The following DRC11 variants were observed in gnomAD, a reference collection of about 807,000 sequenced individuals.
DRC11 encodes the protein dynein regulatory complex subunit 11.
At chr2:236,439,620 G>C in the DRC11 span, among the ~76,000 whole-genome samples, 7 of 151,882 alleles carry the variant, frequency 4.6e-5, no homozygotes, top group Admixed American at 4.6e-4. Context: ...AAATGTATTG[G>C]GTTTCCTAGG....
the DRC11 span, among the ~76,000 whole-genome samples, chr2:236,350,459 C>T: frequency 6.6e-6 from 1 of 152,232 alleles, no homozygotes; most frequent in African/African-American, 2.4e-5. The surrounding 1 kb of genome is among the most constrained non-coding windows in gnomAD (Gnocchi z 5.2). Context: ...ATACAACTGA[C>T]TTCATTTGCA....
the DRC11 span, among the ~76,000 whole-genome samples, chr2:236,479,230 T>C: frequency 6.6e-6 from 1 of 152,230 alleles, no homozygotes; most frequent in South Asian, 2.1e-4. The surrounding 1 kb of genome is among the most constrained non-coding windows in gnomAD (Gnocchi z 4.1). Context: ...CATGTGTGTC[T>C]TTATAGGTGA....
At chr2:236,309,494 G>A in the DRC11 span, among the ~76,000 whole-genome samples, 2 of 152,112 alleles carry the variant, frequency 1.3e-5, no homozygotes, top group African/African-American at 2.4e-5. This position sits in a 1 kb window ranked among gnomAD's most constrained non-coding sequence, Gnocchi z 5.7. Context: ...GGAAGGCAGG[G>A]GCAGGAGGAG....
chr2:236,340,842 T>A, the DRC11 span, among the ~76,000 whole-genome samples: 1 of 152,172 alleles, frequency 6.6e-6, no homozygotes, highest in African/African-American at 2.4e-5. Flanking sequence ...CAGAGTGACA[T>A]CCTTGCTGAT....
the DRC11 span, among the ~76,000 whole-genome samples, chr2:236,379,150 C>A: frequency 6.6e-6 from 1 of 152,228 alleles, no homozygotes; most frequent in African/African-American, 2.4e-5. Context: ...GGGCTTTCTC[C>A]CTCACTGAGC....
the DRC11 span, among the ~76,000 whole-genome samples, chr2:236,404,678 A>G: frequency 6.6e-6 from 1 of 152,208 alleles, no homozygotes; most frequent in Non-Finnish European, 1.5e-5. Flanking sequence ...TGGAGTTAAC[A>G]AAGTCCTCCT....
chr2:236,503,949 T>C, the DRC11 span, among the ~76,000 whole-genome samples: 1 of 152,236 alleles, frequency 6.6e-6, no homozygotes, highest in African/African-American at 2.4e-5. This position sits in a 1 kb window ranked among gnomAD's most constrained non-coding sequence, Gnocchi z 4.9. Flanking sequence ...ATAAGAGCAT[T>C]GATGAGAGAG....
chr2:236,328,653 T>C, the DRC11 span, among the ~76,000 whole-genome samples: 1 of 152,186 alleles, frequency 6.6e-6, no homozygotes, highest in Non-Finnish European at 1.5e-5. The surrounding 1 kb of genome is among the most constrained non-coding windows in gnomAD (Gnocchi z 6.7). Context: ...ACTGGGGGAT[T>C]CCCTCTTCCT....
chr2:236,416,296 G>A, the DRC11 span, among the ~76,000 whole-genome samples: 1 of 152,162 alleles, frequency 6.6e-6, no homozygotes, highest in East Asian at 1.9e-4. Flanking sequence ...GACTGTCCTT[G>A]GATGCAGCTG....
the DRC11 span, among the ~76,000 whole-genome samples, chr2:236,416,829 T>A: frequency 6.9e-6 from 1 of 145,476 alleles, no homozygotes; most frequent in Non-Finnish European, 1.5e-5. Flanking sequence ...GGCACATTAT[T>A]GGCTCACTGC....
chr2:236,358,272 T>C, the DRC11 span, among the ~76,000 whole-genome samples: 1 of 132,780 alleles, frequency 7.5e-6, no homozygotes, highest in African/African-American at 2.9e-5. Flanking sequence ...ATATATAATA[T>C]ATAGATATAT....
At chr2:236,356,007 G>A in the DRC11 span, among the ~76,000 whole-genome samples, 2 of 152,164 alleles carry the variant, frequency 1.3e-5, no homozygotes, top group Non-Finnish European at 2.9e-5. Context: ...GGATGGTACT[G>A]GGGCACAAGA....
the DRC11 span, among the ~76,000 whole-genome samples, chr2:236,330,831 T>C: frequency 1.3e-5 from 2 of 152,180 alleles, no homozygotes; most frequent in Non-Finnish European, 2.9e-5. This position sits in a 1 kb window ranked among gnomAD's most constrained non-coding sequence, Gnocchi z 5.5. Context: ...GGAGAGATAA[T>C]TCTCAAAGTT....
At chr2:236,386,573 C>T in the DRC11 span, among the ~76,000 whole-genome samples, 1 of 152,062 alleles carries the variant, frequency 6.6e-6, no homozygotes, top group Non-Finnish European at 1.5e-5. Context: ...ATTAGTCTTG[C>T]TAGCGGTCTA....
At chr2:236,419,333 T>C in the DRC11 span, 1 of 1,493,800 alleles carries the variant, frequency 6.7e-7, no homozygotes. The surrounding 1 kb of genome is among the most constrained non-coding windows in gnomAD (Gnocchi z 4.8). Context: ...AGGACTGTTT[T>C]CCCTGTCTGA....
chr2:236,317,303 A>G, the DRC11 span, among the ~76,000 whole-genome samples: 1 of 152,130 alleles, frequency 6.6e-6, no homozygotes, highest in East Asian at 1.9e-4. This position sits in a 1 kb window ranked among gnomAD's most constrained non-coding sequence, Gnocchi z 5.4. Context: ...TCGGGGGAAA[A>G]AAAAAAAAAG....
the DRC11 span, among the ~76,000 whole-genome samples, chr2:236,366,241 C>T: frequency 6.6e-6 from 1 of 152,162 alleles, no homozygotes; most frequent in African/African-American, 2.4e-5. Context: ...AGTCTAAGCC[C>T]TAGCCCCAGG....
chr2:236,493,410 A>C, the DRC11 span, among the ~76,000 whole-genome samples: 5 of 152,230 alleles, frequency 3.3e-5, no homozygotes, highest in African/African-American at 9.6e-5. Flanking sequence ...TCAAGTTCCT[A>C]GTAAGTTATG....
chr2:236,318,608 T>C, the DRC11 span, among the ~76,000 whole-genome samples: 15 of 151,578 alleles, frequency 9.9e-5, no homozygotes, highest in African/African-American at 3.7e-4. The surrounding 1 kb of genome is among the most constrained non-coding windows in gnomAD (Gnocchi z 7.0). Flanking sequence ...TGTATGTATG[T>C]ACAGCATGTG....
Sources: allele counts gnomAD v4.1 joint callset (sites outside exome capture counted in the v4.1 genomes callset), GRCh38; gene constraint gnomAD v4.1.1; non-coding constraint Gnocchi (gnomAD v3.1); transcripts MANE v1.5; gene names NCBI Gene and HGNC (gene_info 2026-07-23, HGNC 2026-07-21).